Variants in TMEM170B observed in about 807,000 individuals in gnomAD.
TMEM170B encodes transmembrane protein 170B.
A neutral mutation model predicts 13.0 loss-of-function variants in TMEM170B; 6 were observed. The ratio of observed to expected loss-of-function variants is 0.46; its 90% CI spans 0.25 to 0.91. TMEM170B has a LOEUF of 0.91. Among genes scored for constraint, TMEM170B ranks in the 40% least tolerant of loss-of-function variants. TMEM170B has a pLI of 0.17. For synonymous variants in TMEM170B, 61 were observed against 64.9 expected (o/e 0.94, Z 0.29); for missense variants, 138 against 165.2 (o/e 0.84, Z 0.90).
At chr6:11,548,432 G>A (rs2113765285) in intron 1 of TMEM170B, among the ~76,000 whole-genome samples, 1 of 152,304 alleles carries the variant, frequency 6.6e-6, no homozygotes, top group South Asian at 2.1e-4. Flanking sequence ...AACAACAGGT[G>A]CTGGAGAGGA....
At chr6:11,546,532 T>C (rs1258786236) in intron 1 of TMEM170B, among the ~76,000 whole-genome samples, 1 of 152,212 alleles carries the variant, frequency 6.6e-6, no homozygotes, top group Non-Finnish European at 1.5e-5. Flanking sequence ...ACTCACAGTT[T>C]CACCTGGAGC....
chr6:11,559,644 TAGTA>T (rs1582142995), intron 1 of TMEM170B, among the ~76,000 whole-genome samples: 1 of 152,184 alleles, frequency 6.6e-6, no homozygotes, highest in East Asian at 1.9e-4. Flanking sequence ...TCTGAGAGTC[TAGTA>T]AGTCCCCTAT....
intron 1 of TMEM170B, among the ~76,000 whole-genome samples, chr6:11,549,248 C>T (rs1457360983): frequency 6.6e-6 from 1 of 151,998 alleles, no homozygotes; most frequent in Admixed American, 6.6e-5. Context: ...ATAAAGTGAG[C>T]GTATAAATTT....
In TMEM170B at chr6:11,575,583, C is replaced by T. The variant is rs1255044012; in HGVS notation, c.*22C>T. On this transcript the variant is annotated 3_prime_UTR_variant, in exon 3 of 3. Transcript: ENST00000379426. The surrounding 1 kb of genome is among the most constrained non-coding windows in gnomAD (Gnocchi z 4.1). ...TTGAGGTTTCTGTGGGAATGTCTTACTTCACATAAGGAAACAGATGTACAG... is the reference window on the plus strand; with the variant it reads ...TTGAGGTTTCTGTGGGAATGTCTTATTTCACATAAGGAAACAGATGTACAG... The T allele has an allele frequency of 6.2e-7, 1 of 1,611,372 alleles. No homozygotes were observed. Among genetic ancestry groups the T allele is most frequent in the Non-Finnish European group, 8.5e-7 (1 of 1,178,536 alleles).
At chr6:11,549,649 C>T (rs141262849) in intron 1 of TMEM170B, among the ~76,000 whole-genome samples, 2,699 of 149,412 alleles carry the variant, frequency 0.018, 63 homozygotes, top group African/African-American at 0.061. Context: ...GGCGACAGAG[C>T]GAGACTCCGT....
At chr6:11,571,804 T>G (rs1416553865) in intron 2 of TMEM170B, among the ~76,000 whole-genome samples, 1 of 152,108 alleles carries the variant, frequency 6.6e-6, no homozygotes, top group Non-Finnish European at 1.5e-5. Context: ...AAGATTAATA[T>G]CTAGACTATA....
At chr6:11,567,719 T>A (rs781674010) in intron 2 of TMEM170B, among the ~76,000 whole-genome samples, 2 of 152,208 alleles carry the variant, frequency 1.3e-5, no homozygotes, top group African/African-American at 2.4e-5. Flanking sequence ...TGCTTTGTCA[T>A]AGACGGGGTT....
intron 2 of TMEM170B, among the ~76,000 whole-genome samples, chr6:11,566,568 G>A (rs1442832481): frequency 6.6e-6 from 1 of 152,188 alleles, no homozygotes; most frequent in African/African-American, 2.4e-5. Context: ...TTCGACTGAG[G>A]GGTGTAAGAC....
At chr6:11,565,531 G>A (rs1759721684) in intron 1 of TMEM170B, 135 bp from the exon 2 acceptor site, 2 of 807,856 alleles carry the variant, frequency 2.5e-6, no homozygotes, top group Admixed American at 2.2e-5. Context: ...TGCTACTTGT[G>A]TCAGGCACTG....
At position 11,581,078 on chromosome 6, in the gene TMEM170B, TATATC is replaced by T. The variant is rs1251740520; in HGVS notation, c.*5519_*5523del. The stretch of plus-strand genomic sequence containing the variant: ...GAAGTATTTTCAGTAAATGTGGAGA[TATATC>T]AGATAATACTTTTAAATTAGTGGAA... On this transcript the variant is annotated 3_prime_UTR_variant, in exon 3 of 3. Transcript: ENST00000379426. 6.6e-6 allele frequency: 1 copy of T among 152,256 alleles called. No homozygotes were observed. Among genetic ancestry groups the T allele is most frequent in the Non-Finnish European group, 1.5e-5 (1 of 68,046 alleles). The allele number at this position is 152,256 out of a possible 1,614,324, so 9.4% of individuals were successfully genotyped here.
At chr6:11,561,326 T>A (rs1220769022) in intron 1 of TMEM170B, among the ~76,000 whole-genome samples, 1 of 152,200 alleles carries the variant, frequency 6.6e-6, no homozygotes, top group Non-Finnish European at 1.5e-5. Context: ...AGGTGGGGTA[T>A]GAGTGGAGAG....
In TMEM170B at chr6:11,576,972, T is replaced by G. The variant is rs1465362046; in HGVS notation, c.*1411T>G. On this transcript the variant is annotated 3_prime_UTR_variant, in exon 3 of 3. Transcript: ENST00000379426. ...TTGAACTGGTCTCCTAATGAGATTT[T>G]TTTTGGCACCAGATACAATTATAAT... The G allele has an allele frequency of 6.6e-6, 1 of 152,140 alleles. No homozygotes were observed. The highest frequency in any genetic ancestry group is 1.9e-4 in the East Asian group (1 of 5,198). 9.4% of individuals were successfully genotyped at this position (152,140 alleles called of 1,614,324 possible). A position where few individuals can be genotyped will look rare whatever the true frequency, so the allele number is the denominator to read the frequency against.
At chr6:11,563,075 G>A (rs1418508082) in intron 1 of TMEM170B, among the ~76,000 whole-genome samples, 6 of 152,130 alleles carry the variant, frequency 3.9e-5, no homozygotes, top group Admixed American at 2.6e-4. Flanking sequence ...AGTGGCTCAC[G>A]CCTGTAATCC....
At position 11,581,282 on chromosome 6, in the gene TMEM170B, A is replaced by G. The variant is rs970802491; in HGVS notation, c.*5721A>G. On this transcript the variant is annotated 3_prime_UTR_variant, in exon 3 of 3. Transcript: ENST00000379426. ...TCCTAAAAATCTTCCTCCTCTTTCC[A>G]TACAGATGTCGTATGTTATAGTTTA... The G allele has an allele frequency of 9.9e-5, 15 of 152,282 alleles. No individual in the cohort carries two copies. Among genetic ancestry groups the G allele is most frequent in the African/African-American group, 3.4e-4 (14 of 41,544 alleles). 9.4% of individuals were successfully genotyped at this position (152,282 alleles called of 1,614,324 possible).
chr6:11,549,325 A>G (rs1759486115), intron 1 of TMEM170B, among the ~76,000 whole-genome samples: 2 of 152,208 alleles, frequency 1.3e-5, no homozygotes, highest in East Asian at 3.8e-4. Flanking sequence ...CTACATGAAC[A>G]GTAAAATAAT....
chr6:11,556,470 TC>T (rs1172427867), intron 1 of TMEM170B, among the ~76,000 whole-genome samples: 1 of 152,046 alleles, frequency 6.6e-6, no homozygotes, highest in Non-Finnish European at 1.5e-5. Context: ...CACACTAGCC[TC>T]CCCCCAGTGG....
intron 1 of TMEM170B, among the ~76,000 whole-genome samples, chr6:11,554,603 A>G (rs1759565225): frequency 6.6e-6 from 1 of 152,098 alleles, no homozygotes; most frequent in Non-Finnish European, 1.5e-5. Flanking sequence ...GTTTTAATTA[A>G]AAACCTGTTT....
At position 11,582,133 on chromosome 6, in the gene TMEM170B, G is replaced by A. The variant is rs1184948058; in HGVS notation, c.*6572G>A. 1 of 152,182 alleles carries A rather than the reference G, an allele frequency of 6.6e-6. No homozygotes were observed. The highest frequency in any genetic ancestry group is 1.5e-5 in the Non-Finnish European group (1 of 68,022). The allele number at this position is 152,182 out of a possible 1,614,324, so 9.4% of individuals were successfully genotyped here. A position where few individuals can be genotyped will look rare whatever the true frequency, so the allele number is the denominator to read the frequency against. The stretch of plus-strand genomic sequence containing the variant: ...TAGCCCCTGACTCTAGTTATTCTGA[G>A]ATGAGGGAATCAACTTTATCTTGAA... On this transcript the variant is annotated 3_prime_UTR_variant, in exon 3 of 3. Transcript: ENST00000379426.
intron 1 of TMEM170B, among the ~76,000 whole-genome samples, chr6:11,557,966 G>A (rs896798731): frequency 6.6e-6 from 1 of 152,042 alleles, no homozygotes; most frequent in African/African-American, 2.4e-5. Context: ...CTGGAGTGCA[G>A]TGGCACAATC....
Sources: allele counts gnomAD v4.1 joint callset (sites outside exome capture counted in the v4.1 genomes callset), GRCh38; gene constraint gnomAD v4.1.1; non-coding constraint Gnocchi (gnomAD v3.1); transcripts MANE v1.5; gene names NCBI Gene and HGNC (gene_info 2026-07-23, HGNC 2026-07-21).